The following HYDIN variants were observed in gnomAD, a reference collection of about 807,000 sequenced individuals.
HYDIN encodes HYDIN axonemal central pair apparatus protein.
In HYDIN, 132 loss-of-function variants were observed where a neutral mutation model predicts 403.9. That is an observed-to-expected ratio of 0.33 (90% CI 0.28 to 0.38). The LOEUF (loss-of-function observed/expected upper bound fraction) is 0.38. HYDIN is among the 10% of genes least tolerant of loss of function. The pLI, the probability that HYDIN is intolerant of heterozygous loss-of-function variation, is 1.00. For synonymous variants in HYDIN, 1,202 were observed against 1,891.7 expected (o/e 0.64, Z 9.46); for missense variants, 2,827 against 5,009.5 (o/e 0.56, Z 13.15).
chr16:71,107,348 C>A (rs1484816044), intron 10 of HYDIN, among the ~76,000 whole-genome samples: 3 of 150,442 alleles, frequency 2.0e-5, no homozygotes, highest in African/African-American at 7.3e-5. Flanking sequence ...AGAGCTTCTG[C>A]ACAGCAAAAG....
Position 70,856,902 on chromosome 16 carries a change from T to C in HYDIN, c.12295+803A>G, listed in dbSNP as rs538979035. Among the ~76,000 whole-genome samples, 28 of 152,328 alleles carry C rather than the reference T, an allele frequency of 1.8e-4. No homozygotes were observed. The East Asian group carries it at 4.2e-3, about 23-fold the overall frequency. On this transcript the variant is annotated intron_variant, in intron 72 of 85. Coordinates refer to ENST00000393567, the MANE Select transcript of HYDIN (RefSeq NM_001270974.2). ...AAACTTTTTCTTATGCAACACCACA[T>C]TGGTGGATTTACTATAAAGAATATT...
At chr16:70,938,254 T>G (rs545226313) in intron 44 of HYDIN, among the ~76,000 whole-genome samples, 1 of 152,290 alleles carries the variant, frequency 6.6e-6, no homozygotes, top group South Asian at 2.1e-4. Context: ...ACCGAGGCAG[T>G]GAGCACAGAG....
chr16:70,972,705 C>T (rs533184124), intron 35 of HYDIN, among the ~76,000 whole-genome samples: 1 of 152,318 alleles, frequency 6.6e-6, no homozygotes, highest in South Asian at 2.1e-4. Context: ...TTATCTGAAA[C>T]CCAGGGGCCA....
chr16:71,052,116 T>C (rs2081672691), intron 18 of HYDIN, among the ~76,000 whole-genome samples: 1 of 152,304 alleles, frequency 6.6e-6, no homozygotes, highest in South Asian at 2.1e-4. Context: ...TTATCATCCC[T>C]GTGCCTCATT....
rs1191910521 is a variant in HYDIN, at chr16:70,919,485, A to G, written c.7786-1056T>C. ...AGGCTTCTACTGTGGGCCGCGGCAC[A>G]TGGAAGTCACATGGATTGCAGGGAT... On this transcript the variant is annotated intron_variant, in intron 46 of 85. Transcript: ENST00000393567. 2.6e-5 allele frequency among the ~76,000 whole-genome samples: 4 copies of G among 152,174 alleles called. No homozygotes were observed. The East Asian group carries it at 5.8e-4, about 22-fold the overall frequency.
intron 49 of HYDIN, 101 bp downstream of exon 49, chr16:70,908,151 C>T: frequency 1.0e-6 from 1 of 979,954 alleles, no homozygotes; most frequent in African/African-American, 1.6e-5. Flanking sequence ...GGGGTGCTGC[C>T]CCAGCTCCAC....
chr16:71,145,932 T>C (rs988266409), intron 7 of HYDIN, among the ~76,000 whole-genome samples: 1 of 152,192 alleles, frequency 6.6e-6, no homozygotes, highest in Non-Finnish European at 1.5e-5. Flanking sequence ...AGTGAAGTCG[T>C]CACTCAAGTT....
intron 1 of HYDIN, among the ~76,000 whole-genome samples, chr16:71,214,595 T>C (rs1482148540): frequency 6.6e-6 from 1 of 152,212 alleles, no homozygotes; most frequent in African/African-American, 2.4e-5. Context: ...TTGGTTTATC[T>C]GACAGGAACC....
At chr16:71,118,136 G>A (rs543132012) in intron 9 of HYDIN, among the ~76,000 whole-genome samples, 5 of 152,286 alleles carry the variant, frequency 3.3e-5, no homozygotes, top group African/African-American at 1.2e-4. Context: ...TTGTATATAT[G>A]TTTATCATCC....
intron 19 of HYDIN, among the ~76,000 whole-genome samples, chr16:71,028,517 G>C (rs1374103040): frequency 1.1e-4 from 17 of 151,528 alleles, no homozygotes; most frequent in Admixed American, 1.1e-3. Flanking sequence ...AAAAAACTGG[G>C]ATTTCTAAGA....
At chr16:71,223,481 T>C (rs986145133) in intron 1 of HYDIN, among the ~76,000 whole-genome samples, 1 of 152,118 alleles carries the variant, frequency 6.6e-6, no homozygotes. Context: ...AAATGGGTCC[T>C]AATTAAACTA....
intron 27 of HYDIN, among the ~76,000 whole-genome samples, chr16:70,985,546 C>A (rs1166115454): frequency 6.6e-6 from 1 of 152,102 alleles, no homozygotes; most frequent in Admixed American, 6.6e-5. Flanking sequence ...GGCTGTGGGG[C>A]TGAGCATTTC....
intron 4 of HYDIN, among the ~76,000 whole-genome samples, chr16:71,178,155 C>A (rs906392022): frequency 9.2e-5 from 14 of 152,142 alleles, no homozygotes; most frequent in Non-Finnish European, 1.6e-4. Context: ...CACGGTGGCT[C>A]ACGCCTATAA....
chr16:70,818,834 A>G (rs2036027823), intron 83 of HYDIN, among the ~76,000 whole-genome samples: 1 of 151,864 alleles, frequency 6.6e-6, no homozygotes, highest in African/African-American at 2.4e-5. Context: ...AGGACTGTCC[A>G]ACGCCAGCAC....
intron 18 of HYDIN, among the ~76,000 whole-genome samples, chr16:71,060,216 T>C (rs1168840456): frequency 6.6e-6 from 1 of 152,034 alleles, no homozygotes; most frequent in Non-Finnish European, 1.5e-5. Flanking sequence ...TGTACTTGCC[T>C]GTTTACCAAA....
chr16:70,832,634 T>C (rs1367304284), intron 80 of HYDIN, among the ~76,000 whole-genome samples: 1 of 152,238 alleles, frequency 6.6e-6, no homozygotes, highest in East Asian at 1.9e-4. Flanking sequence ...CAAAGCAGGC[T>C]TCCTTGAGAA....
chr16:70,992,281 G>C (rs1201111463), intron 23 of HYDIN, 71 bp from the exon 24 acceptor site: 1 of 1,499,596 alleles, frequency 6.7e-7, no homozygotes, highest in East Asian at 2.3e-5. Context: ...TGTTCAGTGG[G>C]CTCTCAGTTT....
Position 70,920,725 on chromosome 16 carries a change from C to G in HYDIN, c.7651G>C (p.Glu2551Gln), listed in dbSNP as rs1309595027. ...ALEERSDWEG[E>Q]GEEDHEGKKE... ...TTCCCTTCGTGGTCCTCCTCCCCTT[C>G]CCCCTCCCAGTCGCTCCGCTCCTCC... The change falls in exon 46 of 86, where the codon GAA becomes CAA. Residue 2551 changes from glutamate to glutamine, a missense_variant. Transcript: ENST00000393567. The G allele has an allele frequency of 1.9e-6, 3 of 1,590,134 alleles. No individual in the cohort carries two copies. The highest frequency in any genetic ancestry group is 2.3e-5 in the South Asian group (2 of 87,946).
chr16:71,208,783 T>C (rs1186829528), intron 1 of HYDIN, among the ~76,000 whole-genome samples: 1 of 152,008 alleles, frequency 6.6e-6, no homozygotes, highest in Non-Finnish European at 1.5e-5. Flanking sequence ...GCATACAAAT[T>C]AGAAAATCTA....
Sources: gnomAD v4.1 joint callset for allele counts (sites outside exome capture counted in the v4.1 genomes callset) on GRCh38, gnomAD v4.1.1 for gene constraint, MANE v1.5 for transcripts, NCBI Gene and HGNC (gene_info 2026-07-23, HGNC 2026-07-21) for gene names.